IL15: variants seen among roughly 807,000 people sequenced by gnomAD.
The protein encoded by IL15 is interleukin 15.
A neutral mutation model predicts 19.6 loss-of-function variants in IL15; 11 were observed. The ratio of observed to expected loss-of-function variants is 0.56; its 90% CI spans 0.35 to 0.93. IL15 has a LOEUF of 0.93. IL15 is among the 40% of genes least tolerant of loss of function. IL15 has a pLI of 0.01. For missense variants in IL15, 197 were observed against 186.5 expected, an observed-to-expected ratio of 1.06 and a Z score of -0.33; for synonymous variants, 58 against 59.6, an observed-to-expected ratio of 0.97 and a Z score of 0.12.
At chr4:141,720,696 G>C (rs1305890553) in intron 4 of IL15, 130 bp downstream of exon 4, 1 of 683,736 alleles carries the variant, frequency 1.5e-6, no homozygotes, top group East Asian at 2.7e-5. Context: ...CTGGGGGATA[G>C]AAGGCAGACT....
intron 2 of IL15, among the ~76,000 whole-genome samples, chr4:141,701,939 GTA>G (rs1729335370): frequency 6.6e-6 from 1 of 152,076 alleles, no homozygotes; most frequent in African/African-American, 2.4e-5. Context: ...AATATGGAGA[GTA>G]CTCCCCCTGT....
chr4:141,641,880 A>G (rs1485719461), intron 1 of IL15, among the ~76,000 whole-genome samples: 4 of 151,328 alleles, frequency 2.6e-5, no homozygotes, highest in African/African-American at 9.7e-5. Context: ...TCGAGCTTCT[A>G]GAAACTTAGA....
At chr4:141,649,436 T>C (rs1239237299) in intron 1 of IL15, among the ~76,000 whole-genome samples, 2 of 151,228 alleles carry the variant, frequency 1.3e-5, no homozygotes, top group African/African-American at 4.9e-5. Context: ...TAGGAAGTGG[T>C]GGAACTGGAG....
chr4:141,703,174 G>C (rs1274674540), intron 2 of IL15, among the ~76,000 whole-genome samples: 1 of 152,186 alleles, frequency 6.6e-6, no homozygotes, highest in Non-Finnish European at 1.5e-5. Context: ...GAGGCCATAA[G>C]CTTCCCTGCA....
rs114066056 is a variant in IL15, at chr4:141,649,138, C to T, written c.-221-7048C>T. 3.8e-3 allele frequency among the ~76,000 whole-genome samples: 576 copies of T among 152,176 alleles called. 9 individuals are homozygous for T. Among genetic ancestry groups the T allele is most frequent in the African/African-American group, 0.013 (543 of 41,540 alleles). On this transcript the variant is annotated intron_variant, in intron 1 of 7. Coordinates refer to ENST00000320650, the MANE Select transcript of IL15 (RefSeq NM_000585.5). ...TCTCATTGGAATGCACTACTTCATC[C>T]AGTATCTCTTCCGTGCCCCCTTCTC...
At chr4:141,692,204 T>A (rs56332929) in intron 2 of IL15, among the ~76,000 whole-genome samples, 1 of 152,132 alleles carries the variant, frequency 6.6e-6, no homozygotes, top group Non-Finnish European at 1.5e-5. Flanking sequence ...CAGGGTGCCA[T>A]GTCCCGAGGC....
At chr4:141,677,078 T>C (rs539025847) in intron 2 of IL15, among the ~76,000 whole-genome samples, 105 of 152,354 alleles carry the variant, frequency 6.9e-4, no homozygotes, top group African/African-American at 2.4e-3. Flanking sequence ...GGAAGAAAGA[T>C]GCTACCACAT....
At chr4:141,675,175 G>A (rs1728302071) in intron 2 of IL15, among the ~76,000 whole-genome samples, 1 of 151,528 alleles carries the variant, frequency 6.6e-6, no homozygotes, top group Non-Finnish European at 1.5e-5. Flanking sequence ...GATGAACAGT[G>A]TAGCCTAGAA....
intron 2 of IL15, among the ~76,000 whole-genome samples, chr4:141,666,274 G>T (rs1327071179): frequency 6.6e-6 from 1 of 151,894 alleles, no homozygotes; most frequent in Admixed American, 6.6e-5. Flanking sequence ...GGGCGTGGTG[G>T]CTCACGCCTG....
intron 2 of IL15, among the ~76,000 whole-genome samples, chr4:141,700,404 G>A (rs1729244472): frequency 6.6e-6 from 1 of 152,116 alleles, no homozygotes; most frequent in African/African-American, 2.4e-5. Flanking sequence ...GATAAAAAAA[G>A]TCTTAGCTGA....
intron 2 of IL15, chr4:141,716,149 G>T (rs1053552476): frequency 6.6e-6 from 1 of 152,396 alleles, no homozygotes; most frequent in Non-Finnish European, 1.5e-5. Flanking sequence ...TTTCAGTGCT[G>T]CCATGAGTCA....
At chr4:141,730,999 C>T (rs1579060163) in intron 7 of IL15, among the ~76,000 whole-genome samples, 1 of 152,014 alleles carries the variant, frequency 6.6e-6, no homozygotes, top group East Asian at 1.9e-4. Flanking sequence ...CACTGGGGCT[C>T]CAGTTAGGGT....
chr4:141,676,592 T>G (rs951689043), intron 2 of IL15, among the ~76,000 whole-genome samples: 6 of 152,170 alleles, frequency 3.9e-5, no homozygotes, highest in African/African-American at 1.4e-4. Context: ...AGAAAGGACA[T>G]CATGAAAGTC....
chr4:141,641,029 C>T (rs1156800890), intron 1 of IL15, among the ~76,000 whole-genome samples: 1 of 152,112 alleles, frequency 6.6e-6, no homozygotes, highest in Non-Finnish European at 1.5e-5. Flanking sequence ...CCTTATATCA[C>T]TGAATGCTAC....
intron 2 of IL15, among the ~76,000 whole-genome samples, chr4:141,667,240 A>C (rs972664634): frequency 1.3e-5 from 2 of 152,228 alleles, no homozygotes; most frequent in African/African-American, 4.8e-5. Context: ...CCAGCCTAAC[A>C]AATTAATCAA....
intron 2 of IL15, 27 bp downstream of exon 2, chr4:141,656,334 A>G: frequency 5.0e-6 from 2 of 398,070 alleles, no homozygotes; most frequent in East Asian, 3.6e-5. Context: ...AAGTTTTATC[A>G]TGCAATACAG....
intron 2 of IL15, among the ~76,000 whole-genome samples, chr4:141,701,998 G>A (rs1352307520): frequency 2.0e-5 from 3 of 152,158 alleles, no homozygotes; most frequent in East Asian, 3.9e-4. Flanking sequence ...GTCTATAGAC[G>A]CATATACACT....
intron 5 of IL15, among the ~76,000 whole-genome samples, chr4:141,727,543 A>T (rs1270172188): frequency 6.6e-6 from 1 of 152,138 alleles, no homozygotes; most frequent in African/African-American, 2.4e-5. Flanking sequence ...TAGCAGCAGA[A>T]TCCTTGTGGT....
intron 2 of IL15, among the ~76,000 whole-genome samples, chr4:141,671,333 A>G (rs549717703): frequency 2.4e-4 from 36 of 152,318 alleles, no homozygotes; most frequent in African/African-American, 7.5e-4. Flanking sequence ...CAAAAATGCT[A>G]TAGAATGTTA....
Sources: allele counts gnomAD v4.1 joint callset (sites outside exome capture counted in the v4.1 genomes callset), GRCh38; gene constraint gnomAD v4.1.1; transcripts MANE v1.5; gene names NCBI Gene and HGNC (gene_info 2026-07-23, HGNC 2026-07-21).